The following SEC61A2 variants were observed in gnomAD, a reference collection of about 807,000 sequenced individuals.
SEC61A2 encodes protein transport protein Sec61 subunit alpha isoform 2.
A neutral mutation model predicts 59.9 loss-of-function variants in SEC61A2; 28 were observed. That is an observed-to-expected ratio of 0.47 (90% CI 0.35 to 0.64). SEC61A2 has a LOEUF of 0.64. Ranked by LOEUF, SEC61A2 falls within the 30% of genes least tolerant of loss-of-function variation. SEC61A2 has a pLI of 0.01. For missense variants in SEC61A2, 340 were observed against 585.9 expected (o/e 0.58, Z 4.33); for synonymous variants, 202 against 214.4 (o/e 0.94, Z 0.50).
Position 12,143,600 on chromosome 10 carries a change from G to A in SEC61A2, c.220+405G>A, listed in dbSNP as rs568672266. Among the ~76,000 whole-genome samples the A allele has an allele frequency of 5.1e-4, 78 of 152,208 alleles. No individual in the cohort carries two copies. Among genetic ancestry groups the A allele is most frequent in the Non-Finnish European group, 7.4e-4 (50 of 68,014 alleles). ...AAATAGAAAAATTAGCCAGGTGTGGGTATGCACCTGTAATCCCAGCTACTC... is the reference window on the plus strand; with the variant it reads ...AAATAGAAAAATTAGCCAGGTGTGGATATGCACCTGTAATCCCAGCTACTC... On this transcript the variant is annotated intron_variant, in intron 4 of 11. Coordinates refer to ENST00000298428, the MANE Select transcript of SEC61A2 (RefSeq NM_018144.4). This position sits in a 1 kb window ranked among gnomAD's most constrained non-coding sequence, Gnocchi z 4.8.
chr10:12,134,267 A>G (rs1235010862), intron 2 of SEC61A2, among the ~76,000 whole-genome samples: 3 of 152,206 alleles, frequency 2.0e-5, no homozygotes, highest in Admixed American at 2.0e-4. Flanking sequence ...TCAGCCTCCC[A>G]AAGTGCTGGG....
At chr10:12,141,106 G>A (rs1304765923) in intron 3 of SEC61A2, among the ~76,000 whole-genome samples, 3 of 152,144 alleles carry the variant, frequency 2.0e-5, no homozygotes, top group Admixed American at 6.6e-5. Flanking sequence ...CACCATGTCG[G>A]CCAGGCTGGT....
intron 3 of SEC61A2, 114 bp downstream of exon 3, chr10:12,136,284 G>A (rs1833881988): frequency 1.6e-6 from 1 of 621,326 alleles, no homozygotes. Flanking sequence ...TCAATATATT[G>A]AGCATTATTA....
chr10:12,144,479 C>T (rs1834094344), intron 4 of SEC61A2, among the ~76,000 whole-genome samples: 1 of 152,210 alleles, frequency 6.6e-6, no homozygotes, highest in African/African-American at 2.4e-5. Context: ...TTTGATCATT[C>T]ATTCAACAAA....
chr10:12,157,786 C>A, intron 8 of SEC61A2, 122 bp from the exon 9 acceptor site: 1 of 863,102 alleles, frequency 1.2e-6, no homozygotes, highest in Non-Finnish European at 1.8e-6. Context: ...CAGGCCTGAG[C>A]CCCTGTGCCC....
intron 2 of SEC61A2, among the ~76,000 whole-genome samples, chr10:12,135,247 A>G (rs1833859020): frequency 6.6e-6 from 1 of 152,160 alleles, no homozygotes; most frequent in African/African-American, 2.4e-5. Flanking sequence ...GCAAACCACC[A>G]TGGCATATGT....
Position 12,165,038 on chromosome 10 carries a change from GCCTCCTCCTTCT to G in SEC61A2, c.*594_*605del, listed in dbSNP as rs1834632673. 1 of 985,766 alleles carries G rather than the reference GCCTCCTCCTTCT, an allele frequency of 1.0e-6. No individual in the cohort carries two copies. The highest frequency in any genetic ancestry group is 1.2e-6 in the Non-Finnish European group (1 of 830,540). 61.1% of individuals were successfully genotyped at this position (985,766 alleles called of 1,614,324 possible). On this transcript the variant is annotated 3_prime_UTR_variant, in exon 12 of 12. Transcript: ENST00000298428. ...TATTTCTGCCACAACTGCTTCTAAG[GCCTCCTCCTTCT>G]CCTCCTCCTCTTCCTCTTCCTCCTT...
chr10:12,149,300 G>T lies in SEC61A2; in HGVS notation c.221-295G>T, dbSNP rs137961008. Among the ~76,000 whole-genome samples, 2 of 152,014 alleles carry T rather than the reference G, an allele frequency of 1.3e-5. No homozygotes were observed. Among genetic ancestry groups the T allele is most frequent in the Non-Finnish European group, 2.9e-5 (2 of 68,002 alleles). On this transcript the variant is annotated intron_variant, in intron 4 of 11. Transcript: ENST00000298428. This position sits in a 1 kb window ranked among gnomAD's most constrained non-coding sequence, Gnocchi z 5.2. ...AGACGGGGTTTCTCCATGTTGTCCC[G>T]TTGGTCTCGAACTTCTGACCTCAGG...
In SEC61A2 at chr10:12,158,261, G is replaced by C; in HGVS notation, c.975+156G>C. The C allele has an allele frequency of 1.6e-6, 1 of 631,868 alleles. No individual in the cohort carries two copies. Among genetic ancestry groups the C allele is most frequent in the East Asian group, 2.9e-5 (1 of 34,254 alleles). The allele number at this position is 631,868 out of a possible 1,614,324, so 39.1% of individuals were successfully genotyped here. A position where few individuals can be genotyped will look rare whatever the true frequency, so the allele number is the denominator to read the frequency against. ...GTTTAGTACTTATCTGGAAGAACTG[G>C]TAAGTGTTGCAGAAGTAAGATTGCC... On this transcript the variant is annotated intron_variant, in intron 9 of 11. Coordinates refer to ENST00000298428, the MANE Select transcript of SEC61A2 (RefSeq NM_018144.4). The surrounding 1 kb of genome is among the most constrained non-coding windows in gnomAD (Gnocchi z 5.7).
chr10:12,132,679 C>CGGCATCTTTCAGTTGTTTAA (rs1485216514), intron 1 of SEC61A2, among the ~76,000 whole-genome samples: 3 of 151,112 alleles, frequency 2.0e-5, no homozygotes, highest in Non-Finnish European at 2.9e-5. Flanking sequence ...CTATGCATTT[C>CGGCATCTTTCAGTTGTTTAA]GGCATCTTTC....
chr10:12,162,447 C>G lies in SEC61A2; in HGVS notation c.1244+158C>G. 2.6e-6 allele frequency: 2 copies of G among 780,234 alleles called. No individual in the cohort carries two copies. The highest frequency in any genetic ancestry group is 4.7e-6 in the Non-Finnish European group (2 of 428,956). 48.3% of individuals were successfully genotyped at this position (780,234 alleles called of 1,614,324 possible). ...ACAAAACTTGTTTTCCATGTCAAAA[C>G]CAACACCTGAATTTTTCATTGAAAT... On this transcript the variant is annotated intron_variant, in intron 11 of 11. Transcript: ENST00000298428. This position sits in a 1 kb window ranked among gnomAD's most constrained non-coding sequence, Gnocchi z 6.1.
chr10:12,164,273 T>A lies in SEC61A2; in HGVS notation c.1250T>A (p.Ile417Asn), dbSNP rs1161957062. 6.2e-7 allele frequency: 1 copy of A among 1,612,846 alleles called. No homozygotes were observed. Residue 417 changes from isoleucine to asparagine, a missense_variant, in exon 12 of 12, where the codon ATC becomes AAC. Ile to Asn is a moderately radical substitution (Grantham distance 149). This residue lies in a region of SEC61A2 where 283 missense variants were observed against 483.2 expected (regional missense o/e 0.59). Coordinates refer to ENST00000298428, the MANE Select transcript of SEC61A2 (RefSeq NM_018144.4). This position sits in a 1 kb window ranked among gnomAD's most constrained non-coding sequence, Gnocchi z 7.3. ...CTTGGGGTTCTGTCTCCTAGGTACA[T>A]CCCCACCGCAGCTGCGTTTGGCGGT... is the stretch of plus-strand genomic sequence containing the variant. Reference protein sequence around the residue: ...TSMVHELNRYIPTAAAFGGLC... With the variant: ...TSMVHELNRYNPTAAAFGGLC...
In SEC61A2 at chr10:12,156,873, G is replaced by T. The variant is rs200085210; in HGVS notation, c.617-34G>T. On this transcript the variant is annotated intron_variant, in intron 7 of 11. Coordinates refer to ENST00000298428, the MANE Select transcript of SEC61A2 (RefSeq NM_018144.4). The surrounding 1 kb of genome is among the most constrained non-coding windows in gnomAD (Gnocchi z 5.2). ...GAGCTTTGGGACAGCTTTGGACGAT[G>T]AGTCCACAGGTCGTGTCTGTCTTGA... 1 of 1,603,512 alleles carries T rather than the reference G, an allele frequency of 6.2e-7. No homozygotes were observed. Among genetic ancestry groups the T allele is most frequent in the Admixed American group, 1.8e-5 (1 of 56,368 alleles).
At chr10:12,136,377 G>A (rs150420240) in intron 3 of SEC61A2, among the ~76,000 whole-genome samples, 182 of 148,836 alleles carry the variant, frequency 1.2e-3, no homozygotes, top group South Asian at 3.0e-3. Context: ...GCATGATCTC[G>A]GCTCACCGCA....
In SEC61A2 at chr10:12,142,577, C is replaced by T; in HGVS notation, c.142-540C>T. ...CTACGACCAGGCAGGTATAATATTC[C>T]ATAATCTACTGGTGGGAGTGTTTTT... is the stretch of plus-strand genomic sequence containing the variant. On this transcript the variant is annotated intron_variant, in intron 3 of 11. Transcript: ENST00000298428. The surrounding 1 kb of genome is among the most constrained non-coding windows in gnomAD (Gnocchi z 5.4). 1 of 892,598 alleles carries T rather than the reference C, an allele frequency of 1.1e-6. No individual in the cohort carries two copies. The highest frequency in any genetic ancestry group is 1.3e-6 in the Non-Finnish European group (1 of 745,328). 55.3% of individuals were successfully genotyped at this position (892,598 alleles called of 1,614,324 possible). A position where few individuals can be genotyped will look rare whatever the true frequency, so the allele number is the denominator to read the frequency against.
rs1834394323 is a variant in SEC61A2, at chr10:12,156,262, AG to A, written c.616+332del. 6.6e-6 allele frequency among the ~76,000 whole-genome samples: 1 copy of A among 152,242 alleles called. No individual in the cohort carries two copies. The highest frequency in any genetic ancestry group is 6.5e-5 in the Admixed American group (1 of 15,284). On this transcript the variant is annotated intron_variant, in intron 7 of 11. Transcript: ENST00000298428. The surrounding 1 kb of genome is among the most constrained non-coding windows in gnomAD (Gnocchi z 5.2). ...AGCATCCGTAGGGGGATAAAAAGGTAGTGGATTTTAGATTTTTCAAATGAAA... is the reference window on the plus strand; with the variant it reads ...AGCATCCGTAGGGGGATAAAAAGGTATGGATTTTAGATTTTTCAAATGAAA...
chr10:12,131,352 A>G (rs879703623), intron 1 of SEC61A2, among the ~76,000 whole-genome samples: 3 of 152,136 alleles, frequency 2.0e-5, no homozygotes, highest in Non-Finnish European at 4.4e-5. Context: ...CGCAGAGCCT[A>G]ACTAATACCT....
intron 4 of SEC61A2, among the ~76,000 whole-genome samples, chr10:12,146,502 G>GT (rs1177780411): frequency 2.6e-5 from 4 of 151,502 alleles, no homozygotes; most frequent in Non-Finnish European, 5.9e-5. Context: ...TTTTTAAATT[G>GT]TTTTTTTCCT....
At chr10:12,166,511 T>TA (rs1209883069), downstream of SEC61A2, 4 of 287,656 alleles carry the variant, frequency 1.4e-5, no homozygotes, top group African/African-American at 6.6e-5. Context: ...GTTTCACTCA[T>TA]AAAAATATCC....
Sources: allele counts gnomAD v4.1 joint callset (sites outside exome capture counted in the v4.1 genomes callset), GRCh38; gene constraint gnomAD v4.1.1; regional missense constraint gnomAD v4.1.1; non-coding constraint Gnocchi (gnomAD v3.1); transcripts MANE v1.5; gene names NCBI Gene and HGNC (gene_info 2026-07-23, HGNC 2026-07-21).